CDH13: variants seen among roughly 807,000 people sequenced by gnomAD.
CDH13 encodes the protein cadherin 13.
Under a neutral mutation model 63.8 loss-of-function variants are expected in CDH13, and 24 were observed. That is an observed-to-expected ratio of 0.38 (90% CI 0.27 to 0.53). The LOEUF is 0.53. Ranked by LOEUF, CDH13 falls within the 20% of genes least tolerant of loss-of-function variation. CDH13 has a pLI of 0.85. For missense variants in CDH13, 1,049 were observed against 903.1 expected (o/e 1.16, Z -2.07); for synonymous variants, 503 against 355.3 (o/e 1.42, Z -4.67).
intron 6 of CDH13, among the ~76,000 whole-genome samples, chr16:83,368,957 T>C (rs12924807): frequency 0.13 from 15,099 of 115,272 alleles, 1,631 homozygotes; most frequent in Middle Eastern, 0.29. Context: ...TTTTAATCTG[T>C]TCATTGATTG....
At chr16:83,130,381 C>T (rs1294991291) in intron 4 of CDH13, among the ~76,000 whole-genome samples, 1 of 152,146 alleles carries the variant, frequency 6.6e-6, no homozygotes, top group Non-Finnish European at 1.5e-5. Context: ...AACCAGTATC[C>T]TCAGGAAATA....
chr16:83,748,035 T>C lies in CDH13; in HGVS notation c.1539-73T>C, dbSNP rs1340432795. Reference sequence around the variant, plus strand: ...ATCCAGCACCTAGCCTAGGAGCTCATGCCCTGCACTCTGTAAATGTTTCTT... The same window carrying C: ...ATCCAGCACCTAGCCTAGGAGCTCACGCCCTGCACTCTGTAAATGTTTCTT... On this transcript the variant is annotated intron_variant, in intron 10 of 13. Transcript: ENST00000567109. The C allele has an allele frequency of 1.2e-5, 18 of 1,527,278 alleles. No homozygotes were observed. In the East Asian group the frequency reaches 3.4e-4, roughly 29 times the overall value. The allele number at this position is 1,527,278 out of a possible 1,614,324, so 94.6% of individuals were successfully genotyped here.
At chr16:83,539,298 G>A (rs1461502294) in intron 7 of CDH13, among the ~76,000 whole-genome samples, 1 of 152,072 alleles carries the variant, frequency 6.6e-6, no homozygotes, top group African/African-American at 2.4e-5. Context: ...TTCACAGTAG[G>A]GTTCACGCTT....
intron 2 of CDH13, among the ~76,000 whole-genome samples, chr16:83,007,088 T>C (rs1358385630): frequency 3.3e-5 from 5 of 152,036 alleles, no homozygotes; most frequent in Non-Finnish European, 7.4e-5. Context: ...GCCCAGCTAA[T>C]TTTTTGTATT....
intron 6 of CDH13, among the ~76,000 whole-genome samples, chr16:83,444,480 A>C (rs566660756): frequency 6.6e-6 from 1 of 152,282 alleles, no homozygotes; most frequent in South Asian, 2.1e-4. Context: ...AGATTTTTTA[A>C]AATCTTGACC....
chr16:83,728,443 A>G (rs1448326500), intron 10 of CDH13, among the ~76,000 whole-genome samples: 1 of 152,114 alleles, frequency 6.6e-6, no homozygotes, highest in Non-Finnish European at 1.5e-5. Context: ...GCTCCTGCCA[A>G]TATGTGCAAT....
intron 11 of CDH13, among the ~76,000 whole-genome samples, chr16:83,775,279 T>G (rs573326132): frequency 6.6e-6 from 1 of 151,802 alleles, no homozygotes; most frequent in Non-Finnish European, 1.5e-5. Context: ...GTCTGTGGAC[T>G]CTTCAGGTAT....
At chr16:82,653,929 G>A (rs1911015770) in intron 1 of CDH13, among the ~76,000 whole-genome samples, 1 of 152,128 alleles carries the variant, frequency 6.6e-6, no homozygotes, top group Admixed American at 6.5e-5. Context: ...ATGAGATATA[G>A]CACAACAGAT....
At chr16:83,632,519 G>A (rs887396171) in intron 8 of CDH13, among the ~76,000 whole-genome samples, 2 of 151,940 alleles carry the variant, frequency 1.3e-5, no homozygotes, top group African/African-American at 2.4e-5. Context: ...CCAGTTCTCA[G>A]ATCAGGAAGC....
intron 3 of CDH13, among the ~76,000 whole-genome samples, chr16:83,037,533 A>T (rs528585393): frequency 3.3e-5 from 5 of 152,318 alleles, no homozygotes; most frequent in Middle Eastern, 3.4e-3. Context: ...TATCTGGATG[A>T]TTCCAGATTG....
At chr16:82,770,180 A>G (rs78623870) in intron 1 of CDH13, among the ~76,000 whole-genome samples, 6,712 of 152,308 alleles carry the variant, frequency 0.044, 212 homozygotes, top group Non-Finnish European at 0.07. Flanking sequence ...TTAGAAAACA[A>G]ATTTGGAAAG....
chr16:83,775,397 G>C (rs1353596421), intron 11 of CDH13, among the ~76,000 whole-genome samples: 1 of 149,580 alleles, frequency 6.7e-6, no homozygotes, highest in Non-Finnish European at 1.5e-5. Context: ...AAGCTGGAAT[G>C]GTTCATCTGT....
At chr16:83,261,041 C>T (rs117324907) in intron 5 of CDH13, among the ~76,000 whole-genome samples, 3 of 152,052 alleles carry the variant, frequency 2.0e-5, no homozygotes, top group Non-Finnish European at 4.4e-5. Flanking sequence ...TTGCAGTAGA[C>T]CCTCACATTT....
chr16:82,879,497 T>A, intron 2 of CDH13, among the ~76,000 whole-genome samples: 1 of 144,480 alleles, frequency 6.9e-6, no homozygotes, highest in South Asian at 2.1e-4. Flanking sequence ...TTTAATTAAA[T>A]ATATTTAATA....
Position 83,189,999 on chromosome 16 carries a change from G to A in CDH13, c.484-27346G>A, listed in dbSNP as rs552554022. ...TGACTTTGCTCCTCATTCACCTTCC[G>A]GCATGATTGTGAGGCCTCCCCCACC... On this transcript the variant is annotated intron_variant, in intron 4 of 13. Coordinates refer to ENST00000567109, the MANE Select transcript of CDH13 (RefSeq NM_001257.5). Among the ~76,000 whole-genome samples the A allele has an allele frequency of 1.4e-3, 212 of 152,176 alleles. 1 individual carries two copies. The highest frequency in any genetic ancestry group is 2.5e-3 in the Non-Finnish European group (173 of 68,012).
intron 5 of CDH13, among the ~76,000 whole-genome samples, chr16:83,325,232 C>G (rs935116915): frequency 2.0e-5 from 3 of 152,108 alleles, no homozygotes; most frequent in Non-Finnish European, 4.4e-5. Context: ...AACCAAAAGT[C>G]TCACACTGAA....
intron 6 of CDH13, among the ~76,000 whole-genome samples, chr16:83,386,249 C>T (rs945956411): frequency 6.6e-6 from 1 of 152,152 alleles, no homozygotes; most frequent in African/African-American, 2.4e-5. Context: ...AGATGTGTGG[C>T]CACGATCTCT....
chr16:82,774,471 C>A (rs1597533687), intron 1 of CDH13, among the ~76,000 whole-genome samples: 1 of 152,136 alleles, frequency 6.6e-6, no homozygotes, highest in South Asian at 2.1e-4. Context: ...AGAGGAAGCA[C>A]TACCTAGTGT....
chr16:83,015,027 G>A (rs1305168641), intron 2 of CDH13, among the ~76,000 whole-genome samples: 1 of 150,826 alleles, frequency 6.6e-6, no homozygotes, highest in Non-Finnish European at 1.5e-5. Flanking sequence ...TCATAAAAAA[G>A]CAATCTATAT....
Sources: allele counts gnomAD v4.1 joint callset (sites outside exome capture counted in the v4.1 genomes callset), GRCh38; gene constraint gnomAD v4.1.1; transcripts MANE v1.5; gene names NCBI Gene and HGNC (gene_info 2026-07-23, HGNC 2026-07-21).